The following PALD1 variants were observed in gnomAD, a reference collection of about 807,000 sequenced individuals.
PALD1 encodes phosphatase domain containing paladin 1.
A neutral mutation model predicts 96.0 loss-of-function variants in PALD1; 57 were observed. The ratio of observed to expected loss-of-function variants is 0.59; its 90% CI spans 0.48 to 0.74. The LOEUF is 0.74. Ranked by LOEUF, PALD1 falls within the 30% of genes least tolerant of loss-of-function variation. The pLI is 0.00. For synonymous variants in PALD1, 464 were observed against 473.6 expected, an observed-to-expected ratio of 0.98 and a Z score of 0.26; for missense variants, 1,063 against 1,143.7, an observed-to-expected ratio of 0.93 and a Z score of 1.02.
At chr10:70,521,131 G>A (rs1316034502) in intron 1 of PALD1, among the ~76,000 whole-genome samples, 1 of 152,194 alleles carries the variant, frequency 6.6e-6, no homozygotes, top group Admixed American at 6.5e-5. Context: ...GGTGAGATGG[G>A]TCCTGGAGTC....
the PALD1 span, among the ~76,000 whole-genome samples, chr10:70,464,517 C>T: frequency 6.6e-6 from 1 of 151,586 alleles, no homozygotes; most frequent in Non-Finnish European, 1.5e-5. Flanking sequence ...CCCGGCCTGG[C>T]TTCTTTCACT....
intron 12 of PALD1, 53 bp downstream of exon 12, chr10:70,538,461 C>T (rs1408569582): frequency 2.0e-5 from 31 of 1,562,846 alleles, no homozygotes; most frequent in Non-Finnish European, 2.7e-5. Flanking sequence ...CTGGCCCTGG[C>T]CCCTAAACAC....
intron 1 of PALD1, among the ~76,000 whole-genome samples, chr10:70,488,058 AT>A (rs1346920671): frequency 6.6e-6 from 1 of 152,162 alleles, no homozygotes; most frequent in Non-Finnish European, 1.5e-5. Context: ...AATCAGTTCC[AT>A]TCCTTTTTTA....
Position 70,531,389 on chromosome 10 carries a change from G to A in PALD1, c.568G>A (p.Glu190Lys). 3 of 1,614,108 alleles carry A rather than the reference G, an allele frequency of 1.9e-6. No homozygotes were observed. Among genetic ancestry groups the A allele is most frequent in the Non-Finnish European group, 1.7e-6 (2 of 1,179,970 alleles). ...YTPRDKQNLHENLQGLGPGVR... is the reference protein window; with the variant it reads ...YTPRDKQNLHKNLQGLGPGVR... ...ACCTCGAGACAAGCAGAACCTTCAT[G>A]AGAACCTCCAGGGCCTTGGACCCGG... Residue 190 changes from glutamate (E) to lysine (K), a missense_variant, in exon 5 of 20, where the codon GAG becomes AAG. Glu to Lys is a moderately conservative substitution (Grantham distance 56, BLOSUM62 1). Coordinates refer to ENST00000263563, the MANE Select transcript of PALD1 (RefSeq NM_014431.3).
In PALD1 at chr10:70,541,549, C is replaced by T. The variant is rs778455621; in HGVS notation, c.2121+15C>T. 85 of 1,603,382 alleles carry T rather than the reference C, an allele frequency of 5.3e-5. No individual in the cohort carries two copies. The highest frequency in any genetic ancestry group is 3.1e-4 in the African/African-American group (23 of 74,668). On this transcript the variant is annotated intron_variant, in intron 17 of 19. Coordinates refer to ENST00000263563, the MANE Select transcript of PALD1 (RefSeq NM_014431.3). Reference sequence around the variant, plus strand: ...GTGAATTTCAGGTGAGCATGCCCTGCGGGGTCCCTGAGGCACCTTGGGATG... The same window carrying T: ...GTGAATTTCAGGTGAGCATGCCCTGTGGGGTCCCTGAGGCACCTTGGGATG...
At chr10:70,484,065 C>T (rs755275449) in intron 1 of PALD1, among the ~76,000 whole-genome samples, 1 of 151,724 alleles carries the variant, frequency 6.6e-6, no homozygotes, top group Non-Finnish European at 1.5e-5. Flanking sequence ...TGCAGTGGCG[C>T]ATTCTTAGCT....
At chr10:70,535,302 T>C (rs1159710306) in intron 10 of PALD1, among the ~76,000 whole-genome samples, 1 of 152,252 alleles carries the variant, frequency 6.6e-6, no homozygotes. Flanking sequence ...GTTTATATCA[T>C]ACAGCGCATG....
At chr10:70,476,823 T>C (rs1415892365), upstream of PALD1, among the ~76,000 whole-genome samples, 1 of 151,900 alleles carries the variant, frequency 6.6e-6, no homozygotes, top group East Asian at 1.9e-4. Flanking sequence ...CTCTGGGAGC[T>C]AGAGAGGCAC....
chr10:70,531,783 A>C (rs1207308138), intron 5 of PALD1, among the ~76,000 whole-genome samples: 1 of 152,060 alleles, frequency 6.6e-6, no homozygotes, highest in Non-Finnish European at 1.5e-5. Flanking sequence ...GGAGTTCAAG[A>C]CCAGCCTGAC....
chr10:70,552,262 A>G (rs61857120), intron 18 of PALD1, among the ~76,000 whole-genome samples: 17,968 of 152,216 alleles, frequency 0.12, 1,329 homozygotes, highest in South Asian at 0.18. Flanking sequence ...TTCACATTCC[A>G]TGCAGTGAGT....
chr10:70,530,143 A>G, intron 4 of PALD1, 75 bp downstream of exon 4: 1 of 1,290,740 alleles, frequency 7.7e-7, no homozygotes, highest in Non-Finnish European at 1.1e-6. Context: ...GGGCAGCTTT[A>G]GAGGCGCTGG....
At position 70,540,265 on chromosome 10, in the gene PALD1, G is replaced by A. The variant is rs1847215117; in HGVS notation, c.1908+503G>A. On this transcript the variant is annotated intron_variant, in intron 15 of 19. Transcript: ENST00000263563. The surrounding 1 kb of genome is among the most constrained non-coding windows in gnomAD (Gnocchi z 4.2). ...TCTCAGTTGGGGGACTGTGTATGGA[G>A]TGTGTGGGTGGTGTGTGGAATGTGT... Among the ~76,000 whole-genome samples, 2 of 151,784 alleles carry A rather than the reference G, an allele frequency of 1.3e-5. No individual in the cohort carries two copies. The highest frequency in any genetic ancestry group is 4.8e-5 in the African/African-American group (2 of 41,248).
rs201257168 is a variant in PALD1 at position 70,537,888 on chromosome 10, C to T, written c.1305C>T (p.Asn435=). 184 of 1,612,042 alleles carry T rather than the reference C, an allele frequency of 1.1e-4. No individual in the cohort carries two copies. The highest frequency in any genetic ancestry group is 1.5e-4 in the Non-Finnish European group (175 of 1,178,170). ...GATACTTCTACCTGATCCTGTTTAA[C>T]TACTACCTTCATGAGCAGGTGGGGC... ...LERYFYLILF[N]YYLHEQYPLA... Residue 435 remains asparagine, a synonymous_variant, in exon 11 of 20, where the codon AAC becomes AAT. Coordinates refer to ENST00000263563, the MANE Select transcript of PALD1 (RefSeq NM_014431.3).
chr10:70,527,796 TAAA>T (rs66682923), intron 2 of PALD1, among the ~76,000 whole-genome samples: 21 of 151,182 alleles, frequency 1.4e-4, no homozygotes, highest in East Asian at 3.9e-4. Context: ...GCACTTTTTT[TAAA>T]ATTTAAGTTC....
Position 70,538,309 on chromosome 10 carries a change from C to T in PALD1, c.1353C>T (p.Ser451=). The T allele has an allele frequency of 6.2e-7, 1 of 1,604,980 alleles. No individual in the cohort carries two copies. The highest frequency in any genetic ancestry group is 2.2e-5 in the East Asian group (1 of 44,886). The change falls in exon 12 of 20, where the codon AGC becomes AGT. Residue 451 remains serine, a synonymous_variant. Coordinates refer to ENST00000263563, the MANE Select transcript of PALD1 (RefSeq NM_014431.3). ...CGCTGGCCTTTGCCCTCAGTTTCAGCCGCTGGCTGTGTGCCCACCCTGAGC... is the reference window on the plus strand; with the variant it reads ...CGCTGGCCTTTGCCCTCAGTTTCAGTCGCTGGCTGTGTGCCCACCCTGAGC... The part of the protein sequence containing the change: ...QYPLAFALSF[S]RWLCAHPELY...
Position 70,534,766 on chromosome 10 carries a change from G to T in PALD1, c.1150G>T (p.Glu384Ter), listed in dbSNP as rs780365403. 1 of 1,610,530 alleles carries T rather than the reference G, an allele frequency of 6.2e-7. No homozygotes were observed. Among genetic ancestry groups the T allele is most frequent in the Admixed American group, 1.7e-5 (1 of 59,706 alleles). The part of the protein sequence containing the change: ...EVDRAITACA[E>*]LHDLKEVVLE... ...GGACAGAGCCATCACTGCCTGTGCC[G>T]AGTTGCATGACCTGAAAGAAGTGGT... Residue 384 changes from glutamate to a stop codon, truncating the protein, a stop_gained, in exon 10 of 20, where the codon GAG (glutamate) becomes TAG (stop). Transcript: ENST00000263563. LOFTEE classifies it high-confidence loss of function.
chr10:70,468,392 C>G, the PALD1 span, among the ~76,000 whole-genome samples: 7 of 152,036 alleles, frequency 4.6e-5, no homozygotes, highest in Admixed American at 4.6e-4. Flanking sequence ...TATAGGTGCC[C>G]GACACCATGC....
At chr10:70,543,060 C>CA (rs1847285288) in intron 17 of PALD1, among the ~76,000 whole-genome samples, 3 of 126,800 alleles carry the variant, frequency 2.4e-5, no homozygotes, top group African/African-American at 9.6e-5. Flanking sequence ...TGTGCCCAGC[C>CA]GTTTTTTTTT....
chr10:70,479,947 G>A (rs1353629459), intron 1 of PALD1, among the ~76,000 whole-genome samples: 2 of 152,226 alleles, frequency 1.3e-5, no homozygotes, highest in Non-Finnish European at 2.9e-5. Context: ...AAAGTTCCCC[G>A]ATACAGGGTT....
Sources: allele counts gnomAD v4.1 joint callset (sites outside exome capture counted in the v4.1 genomes callset), GRCh38; gene constraint gnomAD v4.1.1; non-coding constraint Gnocchi (gnomAD v3.1); transcripts MANE v1.5; gene names NCBI Gene and HGNC (gene_info 2026-07-23, HGNC 2026-07-21).